BIRC6: variants seen among roughly 807,000 people sequenced by gnomAD.
BIRC6 encodes the protein dual E2 ubiquitin-conjugating enzyme/E3 ubiquitin-protein ligase BIRC6.
In BIRC6, 98 loss-of-function variants were observed where a neutral mutation model predicts 503.3. That is an observed-to-expected ratio of 0.19 (90% confidence interval 0.17 to 0.23). BIRC6 has a LOEUF of 0.23. BIRC6 is among the 10% of genes least tolerant of loss of function. The pLI is 1.00. For missense variants in BIRC6, 5,360 were observed against 5,806.0 expected (o/e 0.92, Z 2.50); for synonymous variants, 2,240 against 2,078.7 (o/e 1.08, Z -2.11).
rs747433007 is a variant in BIRC6, at chr2:32,416,089, G to A, written c.2798G>A (p.Gly933Asp). The A allele has an allele frequency of 1.2e-5, 19 of 1,613,754 alleles. No homozygotes were observed. The highest frequency in any genetic ancestry group is 1.4e-5 in the Non-Finnish European group (17 of 1,179,862). The change falls in exon 10 of 74, where the codon GGC becomes GAC. Residue 933 changes from glycine to aspartate, a missense_variant. This residue lies in a region of BIRC6 where 700 missense variants were observed against 739.3 expected (regional missense o/e 0.95). Transcript: ENST00000421745. ...LAKVEPPKKEGTEEQDTFVSV... is the reference protein window; with the variant it reads ...LAKVEPPKKEDTEEQDTFVSV... ...AAAGTGGAGCCTCCCAAAAAGGAGGGCACTGAGGAACAGGACACATTTGTT... is the reference window on the plus strand; with the variant it reads ...AAAGTGGAGCCTCCCAAAAAGGAGGACACTGAGGAACAGGACACATTTGTT...
At chr2:32,403,916 A>G (rs1027120956) in intron 8 of BIRC6, among the ~76,000 whole-genome samples, 43 of 146,542 alleles carry the variant, frequency 2.9e-4, no homozygotes, top group Non-Finnish European at 1.2e-4. Flanking sequence ...TTTCTTTTTA[A>G]AATGTGTGTG....
intron 68 of BIRC6, 66 bp from the exon 69 acceptor site, chr2:32,597,681 ATTGT>A (rs1184099269): frequency 6.2e-6 from 7 of 1,135,248 alleles, no homozygotes; most frequent in Admixed American, 6.0e-5. Flanking sequence ...AGGACTAGTG[ATTGT>A]TTGTGATTTT....
chr2:32,376,626 T>A (rs929898584), intron 1 of BIRC6, among the ~76,000 whole-genome samples: 1 of 152,188 alleles, frequency 6.6e-6, no homozygotes, highest in Non-Finnish European at 1.5e-5. Context: ...TTTTTTAAAT[T>A]GTCACAAATC....
intron 3 of BIRC6, among the ~76,000 whole-genome samples, chr2:32,388,376 G>A (rs1324651934): frequency 1.5e-5 from 2 of 135,490 alleles, no homozygotes; most frequent in East Asian, 2.1e-4. Context: ...GTAAGACTCC[G>A]TCTCAAAAAA....
chr2:32,391,289 A>T (rs1359443010), intron 4 of BIRC6, among the ~76,000 whole-genome samples: 2 of 152,202 alleles, frequency 1.3e-5, no homozygotes, highest in Non-Finnish European at 2.9e-5. Context: ...TTTCATTAAA[A>T]ATCAATCTAG....
At chr2:32,394,822 A>G (rs546068464) in intron 5 of BIRC6, among the ~76,000 whole-genome samples, 27 of 152,056 alleles carry the variant, frequency 1.8e-4, no homozygotes, top group Middle Eastern at 3.4e-3. Flanking sequence ...TGTCTCTTTA[A>G]AAGAGAAAGT....
intron 65 of BIRC6, chr2:32,564,355 A>G (rs955107765): frequency 5.3e-5 from 8 of 152,004 alleles, no homozygotes; most frequent in African/African-American, 1.7e-4. Flanking sequence ...TGTGTACTAC[A>G]TTTTGCTTTT....
chr2:32,455,197 T>C (rs914782228), intron 23 of BIRC6, among the ~76,000 whole-genome samples: 8 of 151,716 alleles, frequency 5.3e-5, no homozygotes, highest in African/African-American at 1.9e-4. Flanking sequence ...GCTAACACAG[T>C]GAAACCCCGT....
Position 32,442,201 on chromosome 2 carries a change from G to A in BIRC6, c.4081G>A (p.Gly1361Arg). The change falls in exon 18 of 74, where the codon GGA becomes AGA. Residue 1361 changes from glycine (G) to arginine (R), a missense_variant. Gly to Arg is a moderately radical substitution (Grantham distance 125). Coordinates refer to ENST00000421745, the MANE Select transcript of BIRC6 (RefSeq NM_016252.4). ...GTTGGATACTCTCTGTTGGTTAGCT[G>A]GAGTTCATTCAAATGGACCCGGAAG... ...LVLDTLCWLA[G>R]VHSNGPGSSK... 2 of 1,607,730 alleles carry A rather than the reference G, an allele frequency of 1.2e-6. No homozygotes were observed. Among genetic ancestry groups the A allele is most frequent in the African/African-American group, 1.3e-5 (1 of 74,472 alleles).
chr2:32,394,722 TG>T (rs2039663747), intron 5 of BIRC6, among the ~76,000 whole-genome samples: 1 of 152,122 alleles, frequency 6.6e-6, no homozygotes, highest in Non-Finnish European at 1.5e-5. Flanking sequence ...TAGTTCCAGC[TG>T]GGGGGCTGAG....
At chr2:32,512,907 A>G in intron 53 of BIRC6, 26 bp from the exon 54 acceptor site, 2 of 1,591,208 alleles carry the variant, frequency 1.3e-6, no homozygotes, top group Non-Finnish European at 1.7e-6. Context: ...ATAGTTGGTT[A>G]TATGAATTCG....
intron 1 of BIRC6, among the ~76,000 whole-genome samples, chr2:32,375,745 T>C (rs867601274): frequency 5.4e-3 from 148 of 27,506 alleles, no homozygotes; most frequent in African/African-American, 0.027. Flanking sequence ...TTCTCTCTCT[T>C]TTTTTTTTTT....
chr2:32,459,060 A>C (rs1021418555), intron 23 of BIRC6, among the ~76,000 whole-genome samples: 41 of 152,122 alleles, frequency 2.7e-4, no homozygotes. Context: ...CGTTCTTTTT[A>C]GGTAGGTTTT....
intron 22 of BIRC6, 76 bp downstream of exon 22, chr2:32,449,004 A>G (rs2046384852): frequency 2.2e-6 from 3 of 1,381,696 alleles, no homozygotes; most frequent in Admixed American, 2.2e-5. Context: ...TTAATAGATT[A>G]TAGTCATGAT....
In BIRC6 at chr2:32,447,452, G is replaced by A. The variant is rs1193306768; in HGVS notation, c.4485-1343G>A. ...GGGGCTGACCCCCCACCTCCCTCCC[G>A]GACTGGGCGGCTGGCCGGGCGGGGG... On this transcript the variant is annotated intron_variant, in intron 21 of 73. Coordinates refer to ENST00000421745, the MANE Select transcript of BIRC6 (RefSeq NM_016252.4). 6.4e-5 allele frequency among the ~76,000 whole-genome samples: 9 copies of A among 140,048 alleles called. No homozygotes were observed. In the South Asian group the frequency reaches 9.2e-4, roughly 14 times the overall value. The allele number at this position is 140,048 out of a possible 152,430, so 91.9% of individuals were successfully genotyped here. A position where few individuals can be genotyped will look rare whatever the true frequency, so the allele number is the denominator to read the frequency against.
At chr2:32,608,445 G>A (rs982901866) in intron 72 of BIRC6, among the ~76,000 whole-genome samples, 10 of 150,078 alleles carry the variant, frequency 6.7e-5, no homozygotes, top group Admixed American at 2.0e-4. Context: ...ATCCCGTTTC[G>A]TTCTCGTTGC....
At chr2:32,580,463 T>G (rs1369198366) in intron 66 of BIRC6, among the ~76,000 whole-genome samples, 1 of 152,130 alleles carries the variant, frequency 6.6e-6, no homozygotes, top group Non-Finnish European at 1.5e-5. Context: ...TCAGGGGACC[T>G]TGAAAAGTTT....
Position 32,471,125 on chromosome 2 carries a change from G to T in BIRC6, c.6592+1G>T. 1.9e-6 allele frequency: 3 copies of T among 1,561,886 alleles called. No homozygotes were observed. Among genetic ancestry groups the T allele is most frequent in the Non-Finnish European group, 2.6e-6 (3 of 1,151,260 alleles). ...GCAGCTGCAAAGAAACCTTTGAATG[G>T]TAAAGACAGGGAGAGGTTTCTGACA... On this transcript the variant is annotated splice_donor_variant, in intron 32 of 73. Transcript: ENST00000421745. LOFTEE classifies it high-confidence loss of function.
At chr2:32,373,530 C>T (rs751545816) in intron 1 of BIRC6, among the ~76,000 whole-genome samples, 4 of 152,110 alleles carry the variant, frequency 2.6e-5, no homozygotes, top group African/African-American at 4.8e-5. Context: ...TGGATACTCA[C>T]GTGCAAAAAG....
Sources: allele counts gnomAD v4.1 joint callset (sites outside exome capture counted in the v4.1 genomes callset), GRCh38; gene constraint gnomAD v4.1.1; regional missense constraint gnomAD v4.1.1; transcripts MANE v1.5; gene names NCBI Gene and HGNC (gene_info 2026-07-23, HGNC 2026-07-21).